The following AGMO variants were observed in gnomAD, a reference collection of about 807,000 sequenced individuals.
The protein encoded by AGMO is alkylglycerol monooxygenase.
In AGMO, 75 loss-of-function variants were observed where a neutral mutation model predicts 60.2. The ratio of observed to expected loss-of-function variants is 1.25; its 90% CI spans 1.03 to 1.51. AGMO has a LOEUF of 1.51. Ranked by LOEUF, AGMO falls within the 40% of genes most tolerant of loss-of-function variation. The pLI is 0.00. For missense variants in AGMO, 763 were observed against 525.5 expected (o/e 1.45, Z -4.42); for synonymous variants, 261 against 177.1 (o/e 1.47, Z -3.76).
At chr7:15,369,810 C>G (rs1270862887) in intron 10 of AGMO, among the ~76,000 whole-genome samples, 1 of 152,014 alleles carries the variant, frequency 6.6e-6, no homozygotes, top group Non-Finnish European at 1.5e-5. Flanking sequence ...TATTGAAAGA[C>G]TGATAAAATG....
intron 12 of AGMO, among the ~76,000 whole-genome samples, chr7:15,270,960 G>A (rs183772771): frequency 8.6e-5 from 13 of 151,962 alleles, no homozygotes; most frequent in Admixed American, 7.9e-4. Flanking sequence ...TTTGACAAAG[G>A]TCAGTTATGT....
intron 12 of AGMO, among the ~76,000 whole-genome samples, chr7:15,229,719 T>A (rs1006829416): frequency 8.2e-6 from 1 of 121,364 alleles, no homozygotes; most frequent in Non-Finnish European, 1.6e-5. Context: ...TATATTATAT[T>A]ATATATAAAT....
At chr7:15,331,400 T>A (rs1389728711) in intron 12 of AGMO, among the ~76,000 whole-genome samples, 1 of 152,122 alleles carries the variant, frequency 6.6e-6, no homozygotes, top group East Asian at 1.9e-4. Flanking sequence ...GTTGTGAGAA[T>A]AAAATGAAAA....
intron 3 of AGMO, among the ~76,000 whole-genome samples, chr7:15,506,300 A>G (rs1783511029): frequency 6.6e-6 from 1 of 151,978 alleles, no homozygotes; most frequent in Non-Finnish European, 1.5e-5. Context: ...AAATAAGGAA[A>G]CTGAGGCAGA....
intron 3 of AGMO, among the ~76,000 whole-genome samples, chr7:15,494,425 T>G (rs1783165756): frequency 6.6e-6 from 1 of 152,192 alleles, no homozygotes; most frequent in Non-Finnish European, 1.5e-5. Flanking sequence ...GTTTAATGAC[T>G]GAGATTAAGA....
Position 15,545,534 on chromosome 7 carries a change from A to T in AGMO, c.258-611T>A, listed in dbSNP as rs79345451. Among the ~76,000 whole-genome samples, 245 of 152,062 alleles carry T rather than the reference A, an allele frequency of 1.6e-3. 5 individuals carry two copies. The East Asian group carries it at 0.043, about 26-fold the overall frequency. On this transcript the variant is annotated intron_variant, in intron 2 of 12. Transcript: ENST00000342526. ...TATTATACTTATCATCAGGTATTAG[A>T]TACTCAGAGCATTTCAACATTTCTT... is the stretch of plus-strand genomic sequence containing the variant.
intron 12 of AGMO, among the ~76,000 whole-genome samples, chr7:15,203,798 T>C (rs887316907): frequency 6.6e-6 from 1 of 152,158 alleles, no homozygotes; most frequent in Non-Finnish European, 1.5e-5. Context: ...AGAATAAAGT[T>C]TTACATTTAC....
the AGMO span, among the ~76,000 whole-genome samples, chr7:15,191,027 C>A: frequency 6.6e-6 from 1 of 152,048 alleles, no homozygotes; most frequent in Non-Finnish European, 1.5e-5. Context: ...AATTCATCTT[C>A]AAGAAACTCA....
At chr7:15,181,513 C>T in the AGMO span, among the ~76,000 whole-genome samples, 1 of 152,158 alleles carries the variant, frequency 6.6e-6, no homozygotes, top group African/African-American at 2.4e-5. Flanking sequence ...TCATTTCCCT[C>T]TTATTCTACT....
chr7:15,380,399 T>A (rs1463224832), intron 10 of AGMO, among the ~76,000 whole-genome samples: 2 of 152,008 alleles, frequency 1.3e-5, no homozygotes, highest in African/African-American at 4.8e-5. Flanking sequence ...AGGAATGAAC[T>A]CCCATTAATA....
rs187132943 is a variant in AGMO, at chr7:15,217,070, G to A, written c.1264-15711C>T. On this transcript the variant is annotated intron_variant, in intron 12 of 12. Coordinates refer to ENST00000342526, the MANE Select transcript of AGMO (RefSeq NM_001004320.2). ...AAAGAAAAGAAATACTAGAGTCTAT[G>A]GAAAACGAGAAGGTGAGGAAGGAAA... Among the ~76,000 whole-genome samples the A allele has an allele frequency of 2.0e-4, 30 of 152,136 alleles. No homozygotes were observed. The East Asian group carries it at 3.9e-3, about 20-fold the overall frequency.
intron 10 of AGMO, among the ~76,000 whole-genome samples, chr7:15,373,061 C>A (rs573030005): frequency 6.6e-6 from 1 of 152,042 alleles, no homozygotes; most frequent in Admixed American, 6.6e-5. Flanking sequence ...GCCAGGAGTT[C>A]GAGACCAGCC....
rs577191960 is a variant in AGMO at position 15,242,302 on chromosome 7, A to C, written c.1264-40943T>G. Reference sequence around the variant, plus strand: ...CTCAAGAAGAATTAGAAGAAATTTCAAGATCATCTAGTTAATGGATGGATC... The same window carrying C: ...CTCAAGAAGAATTAGAAGAAATTTCCAGATCATCTAGTTAATGGATGGATC... On this transcript the variant is annotated intron_variant, in intron 12 of 12. Transcript: ENST00000342526. 3.3e-5 allele frequency among the ~76,000 whole-genome samples: 5 copies of C among 152,316 alleles called. 1 individual carries two copies. The South Asian group carries it at 1.0e-3, about 32-fold the overall frequency.
At chr7:15,459,220 C>T (rs747406974) in intron 3 of AGMO, among the ~76,000 whole-genome samples, 2 of 152,102 alleles carry the variant, frequency 1.3e-5, no homozygotes, top group African/African-American at 2.4e-5. Context: ...TAAGCCAATT[C>T]AAATAAAATC....
chr7:15,453,035 G>T (rs6461179), intron 3 of AGMO, among the ~76,000 whole-genome samples: 3 of 151,958 alleles, frequency 2.0e-5, no homozygotes, highest in African/African-American at 7.2e-5. Context: ...CACAAAGACA[G>T]AAAGTAGATT....
chr7:15,354,817 G>C (rs967366943), intron 12 of AGMO, among the ~76,000 whole-genome samples: 1 of 150,598 alleles, frequency 6.6e-6, no homozygotes, highest in Non-Finnish European at 1.5e-5. Flanking sequence ...ATTTTTTCTC[G>C]TAATTCACGA....
At chr7:15,257,912 A>T (rs1046795653) in intron 12 of AGMO, among the ~76,000 whole-genome samples, 1 of 152,198 alleles carries the variant, frequency 6.6e-6, no homozygotes, top group South Asian at 2.1e-4. Flanking sequence ...GCCACACCCA[A>T]TCACATATCC....
intron 12 of AGMO, among the ~76,000 whole-genome samples, chr7:15,338,183 GATAAA>G (rs1360788241): frequency 1.8e-4 from 28 of 152,056 alleles, no homozygotes; most frequent in Admixed American, 1.2e-3. Flanking sequence ...GTGGAATTCA[GATAAA>G]ATAAATCATT....
intron 12 of AGMO, among the ~76,000 whole-genome samples, chr7:15,307,548 A>G (rs749443201): frequency 1.1e-4 from 17 of 151,936 alleles, no homozygotes; most frequent in Non-Finnish European, 2.2e-4. Flanking sequence ...TATGAAGCCT[A>G]TAAGAAGGAC....
Sources: allele counts gnomAD v4.1 joint callset (sites outside exome capture counted in the v4.1 genomes callset), GRCh38; gene constraint gnomAD v4.1.1; transcripts MANE v1.5; gene names NCBI Gene and HGNC (gene_info 2026-07-23, HGNC 2026-07-21).